The following GRIK4 variants were observed in gnomAD, a reference collection of about 807,000 sequenced individuals.
The protein encoded by GRIK4 is glutamate receptor ionotropic, kainate 4.
Under a neutral mutation model 104.9 loss-of-function variants are expected in GRIK4, and 40 were observed. The observed-to-expected ratio is 0.38, with a 90% CI of 0.30 to 0.50. GRIK4 has a LOEUF of 0.50. GRIK4 is among the 20% of genes least tolerant of loss of function. GRIK4 has a pLI of 0.93. For missense variants in GRIK4, 1,047 were observed against 1,308.1 expected, an observed-to-expected ratio of 0.80 and a Z score of 3.08; for synonymous variants, 485 against 524.9, an observed-to-expected ratio of 0.92 and a Z score of 1.04.
In GRIK4 at chr11:120,940,273, G is replaced by A. The variant is rs1943691389; in HGVS notation, c.1477-74G>A. On this transcript the variant is annotated intron_variant, in intron 13 of 20. Transcript: ENST00000527524. This position sits in a 1 kb window ranked among gnomAD's most constrained non-coding sequence, Gnocchi z 4.3. ...GCATCACATCTCCAATAGCAGTGAC[G>A]GTTGCTGGTCGCAAGTCTCTGTGCC... 7 of 853,862 alleles carry A rather than the reference G, an allele frequency of 8.2e-6. No homozygotes were observed. Among genetic ancestry groups the A allele is most frequent in the East Asian group, 2.4e-5 (1 of 41,332 alleles). The allele number at this position is 853,862 out of a possible 1,614,324, so 52.9% of individuals were successfully genotyped here.
At chr11:120,747,518 A>T (rs1951466290) in intron 3 of GRIK4, among the ~76,000 whole-genome samples, 1 of 152,220 alleles carries the variant, frequency 6.6e-6, no homozygotes, top group Admixed American at 6.5e-5. Flanking sequence ...ATGTAAAGTC[A>T]GGAGTGTTAA....
At chr11:120,974,913 G>A (rs578026698) in intron 19 of GRIK4, among the ~76,000 whole-genome samples, 1 of 152,252 alleles carries the variant, frequency 6.6e-6, no homozygotes, top group African/African-American at 2.4e-5. Flanking sequence ...TCACTTAACT[G>A]CTATAAAAAG....
intron 11 of GRIK4, among the ~76,000 whole-genome samples, chr11:120,887,401 C>T (rs1036133275): frequency 2.0e-5 from 3 of 152,230 alleles, no homozygotes; most frequent in East Asian, 3.8e-4. Context: ...CCATCTCTCT[C>T]AGGCTCTGCC....
At chr11:120,969,570 C>G (rs1266634269) in intron 19 of GRIK4, among the ~76,000 whole-genome samples, 1 of 152,030 alleles carries the variant, frequency 6.6e-6, no homozygotes, top group Non-Finnish European at 1.5e-5. Context: ...CTCCTTCCCC[C>G]AAAAGAAGAC....
chr11:120,759,473 G>T (rs1448827429), intron 3 of GRIK4, among the ~76,000 whole-genome samples: 1 of 151,738 alleles, frequency 6.6e-6, no homozygotes, highest in Non-Finnish European at 1.5e-5. Flanking sequence ...CTTCTCCCAA[G>T]ATTGGATTCC....
chr11:120,654,429 T>A (rs1949669090), intron 2 of GRIK4, among the ~76,000 whole-genome samples: 1 of 152,154 alleles, frequency 6.6e-6, no homozygotes, highest in African/African-American at 2.4e-5. Flanking sequence ...AGTGGTGTGA[T>A]CTCTGCCCAC....
chr11:120,554,711 A>G (rs1948171632), intron 1 of GRIK4, among the ~76,000 whole-genome samples: 1 of 151,948 alleles, frequency 6.6e-6, no homozygotes, highest in South Asian at 2.1e-4. Context: ...GACGCCCGCC[A>G]CCATGCCTGG....
intron 1 of GRIK4, among the ~76,000 whole-genome samples, chr11:120,577,603 A>C (rs1948502357): frequency 6.6e-6 from 1 of 152,168 alleles, no homozygotes; most frequent in South Asian, 2.1e-4. Context: ...TGCCAGGCAG[A>C]GGGATTGTAA....
At chr11:120,898,415 A>C in intron 11 of GRIK4, 117 bp from the exon 12 acceptor site, 2 of 624,018 alleles carry the variant, frequency 3.2e-6, no homozygotes, top group Non-Finnish European at 5.9e-6. Flanking sequence ...CCGGCTCCGT[A>C]CTCCACACCC....
Position 120,960,985 on chromosome 11 carries a change from G to A in GRIK4, c.1951G>A (p.Val651Met), listed in dbSNP as rs750558187. Reference protein sequence around the residue: ...AAFLTVQRMDVPIESVDDLAD... With the variant: ...AAFLTVQRMDMPIESVDDLAD... Reference sequence around the variant, plus strand: ...CTTCCTGACCGTGCAGCGCATGGATGTGCCCATTGAGTCAGTGGATGACCT... The same window carrying A: ...CTTCCTGACCGTGCAGCGCATGGATATGCCCATTGAGTCAGTGGATGACCT... Residue 651 changes from valine to methionine, a missense_variant, in exon 17 of 21, where the codon GTG (valine) becomes ATG (methionine). Around this residue, in one of 3 missense-constraint regions of GRIK4, gnomAD observed 440 missense variants for 652.3 expected, o/e 0.67. Transcript: ENST00000527524. 5.0e-6 allele frequency: 8 copies of A among 1,613,954 alleles called. No homozygotes were observed. The highest frequency in any genetic ancestry group is 2.2e-5 in the East Asian group (1 of 44,896).
chr11:120,560,523 T>A (rs1025916077), intron 1 of GRIK4, among the ~76,000 whole-genome samples: 1 of 152,242 alleles, frequency 6.6e-6, no homozygotes, highest in Non-Finnish European at 1.5e-5. Context: ...ATAGTATGTA[T>A]ATGTGTGTAT....
chr11:120,762,892 A>T (rs1951773238), intron 3 of GRIK4, among the ~76,000 whole-genome samples: 1 of 152,118 alleles, frequency 6.6e-6, no homozygotes, highest in African/African-American at 2.4e-5. Flanking sequence ...TATTGGCCTG[A>T]AATTTTCTTT....
chr11:120,906,244 CATAA>C (rs1942864439), intron 13 of GRIK4, among the ~76,000 whole-genome samples: 1 of 152,144 alleles, frequency 6.6e-6, no homozygotes, highest in Non-Finnish European at 1.5e-5. Context: ...TCCATATTTC[CATAA>C]CTGAGTTTTA....
intron 4 of GRIK4, among the ~76,000 whole-genome samples, chr11:120,804,917 G>A (rs1952684938): frequency 6.6e-6 from 1 of 152,194 alleles, no homozygotes; most frequent in African/African-American, 2.4e-5. Flanking sequence ...ATACCATATA[G>A]AACAGGGCCA....
chr11:120,915,994 A>G (rs1943097682), intron 13 of GRIK4, among the ~76,000 whole-genome samples: 1 of 152,162 alleles, frequency 6.6e-6, no homozygotes, highest in Non-Finnish European at 1.5e-5. Flanking sequence ...TGGTGTCTGG[A>G]ACAAAGGATG....
intron 1 of GRIK4, among the ~76,000 whole-genome samples, chr11:120,633,411 G>A (rs1949355220): frequency 1.3e-5 from 2 of 152,108 alleles, no homozygotes; most frequent in African/African-American, 2.4e-5. Flanking sequence ...CCTCTTAATC[G>A]CTGCCCATGC....
At chr11:120,598,613 C>T (rs1055705577) in intron 1 of GRIK4, among the ~76,000 whole-genome samples, 22 of 152,196 alleles carry the variant, frequency 1.4e-4, no homozygotes, top group African/African-American at 4.8e-4. Flanking sequence ...CTCCTTTGGT[C>T]TTGGCCAGGT....
chr11:120,676,975 A>G lies in GRIK4; in HGVS notation c.82+16575A>G, dbSNP rs148784936. On this transcript the variant is annotated intron_variant, in intron 3 of 20. Transcript: ENST00000527524. ...GGGACTGCACACTTGGAAACTGTCC[A>G]TAGCTCGATCCTTGGCCCAAGTTGC... is the stretch of plus-strand genomic sequence containing the variant. Among the ~76,000 whole-genome samples, 28 of 152,344 alleles carry G rather than the reference A, an allele frequency of 1.8e-4. No individual in the cohort carries two copies. In the East Asian group the frequency reaches 5.4e-3, roughly 29 times the overall value.
At chr11:120,544,658 A>G (rs1948068080) in intron 1 of GRIK4, among the ~76,000 whole-genome samples, 1 of 152,124 alleles carries the variant, frequency 6.6e-6, no homozygotes, top group Non-Finnish European at 1.5e-5. Context: ...CACAGCTGTT[A>G]TTAGGAAGTT....
Sources: allele counts gnomAD v4.1 joint callset (sites outside exome capture counted in the v4.1 genomes callset), GRCh38; gene constraint gnomAD v4.1.1; regional missense constraint gnomAD v4.1.1; non-coding constraint Gnocchi (gnomAD v3.1); transcripts MANE v1.5; gene names NCBI Gene and HGNC (gene_info 2026-07-23, HGNC 2026-07-21).